ZFYVE16: variants seen among roughly 807,000 people sequenced by gnomAD.
The protein encoded by ZFYVE16 is zinc finger FYVE domain-containing protein 16.
In ZFYVE16, 89 loss-of-function variants were observed where a neutral mutation model predicts 138.1. The ratio of observed to expected loss-of-function variants is 0.64; its 90% CI spans 0.54 to 0.77. ZFYVE16 has a LOEUF of 0.77. ZFYVE16 is among the 30% of genes least tolerant of loss of function. The pLI is 0.00. For synonymous variants in ZFYVE16, 596 were observed against 618.3 expected (o/e 0.96, Z 0.53); for missense variants, 1,793 against 1,786.7 (o/e 1.00, Z -0.06).
chr5:80,472,293 G>C (rs1561336873), intron 15 of ZFYVE16, among the ~76,000 whole-genome samples: 1 of 151,228 alleles, frequency 6.6e-6, no homozygotes, highest in Non-Finnish European at 1.5e-5. Flanking sequence ...ATTATCCCCA[G>C]GCAGAGAGCT....
At chr5:80,426,829 A>G (rs1748151050) in intron 1 of ZFYVE16, among the ~76,000 whole-genome samples, 1 of 152,150 alleles carries the variant, frequency 6.6e-6, no homozygotes, top group Non-Finnish European at 1.5e-5. Flanking sequence ...GACAAATGGT[A>G]TATCTGATTC....
rs1176003578 is a variant in ZFYVE16 at position 80,437,194 on chromosome 5, C to G, written c.509C>G (p.Ser170Ter). Residue 170 changes from serine to a stop codon, truncating the protein, a stop_gained, in exon 4 of 19, where the codon TCA becomes TGA. Transcript: ENST00000505560. LOFTEE classifies it high-confidence loss of function. ...ATTGGATTGGATTTATCTTCAGTGT[C>G]AGATACTCCCTGTGTTTCTTCAACA... ...SLIGLDLSSVSDTPCVSSTDH... is the reference protein window; with the variant it reads ...SLIGLDLSSV 6.2e-7 allele frequency: 1 copy of G among 1,613,848 alleles called. No homozygotes were observed. Among genetic ancestry groups the G allele is most frequent in the African/African-American group, 1.3e-5 (1 of 74,910 alleles).
rs1755057113 is a variant in ZFYVE16, at chr5:80,477,830, C to T, written c.*453C>T. ...AATTGTATTTCAGTGGCACAAAAAC[C>T]AGTTTTGAGGTCTTAGACTTATAAT... On this transcript the variant is annotated 3_prime_UTR_variant, in exon 19 of 19. Transcript: ENST00000505560. 1 of 152,244 alleles carries T rather than the reference C, an allele frequency of 6.6e-6. No individual in the cohort carries two copies. The highest frequency in any genetic ancestry group is 2.4e-5 in the African/African-American group (1 of 41,416). The allele number at this position is 152,244 out of a possible 1,614,324, so 9.4% of individuals were successfully genotyped here. A position where few individuals can be genotyped will look rare whatever the true frequency, so the allele number is the denominator to read the frequency against.
In ZFYVE16 at chr5:80,448,709, A is replaced by AT. The variant is rs200461336; in HGVS notation, c.3103+314dup. On this transcript the variant is annotated intron_variant, in intron 8 of 18. Coordinates refer to ENST00000505560, the MANE Select transcript of ZFYVE16 (RefSeq NM_001284236.3). ...AGAATTTTGACACTGTATTATTACT[A>AT]TTTTTTTTTAGGAGCATGATACCTA... 3.0e-3 allele frequency among the ~76,000 whole-genome samples: 447 copies of AT among 151,000 alleles called. 4 individuals are homozygous for AT. Among genetic ancestry groups the AT allele is most frequent in the Non-Finnish European group, 1.6e-3 (107 of 67,620 alleles).
chr5:80,431,596 G>A (rs1463525653), intron 2 of ZFYVE16, among the ~76,000 whole-genome samples: 1 of 152,134 alleles, frequency 6.6e-6, no homozygotes, highest in Non-Finnish European at 1.5e-5. Context: ...AGGGCACTCA[G>A]GCAGGAGAAG....
At chr5:80,476,708 AG>A (rs963189112) in intron 18 of ZFYVE16, among the ~76,000 whole-genome samples, 2 of 152,170 alleles carry the variant, frequency 1.3e-5, no homozygotes, top group African/African-American at 4.8e-5. Context: ...TTACTGGAAA[AG>A]GGGTTTTGTT....
rs146986644 is a variant in ZFYVE16 at position 80,477,248 on chromosome 5, A to C, written c.4491A>C (p.Gln1497His). The C allele has an allele frequency of 2.5e-6, 4 of 1,600,450 alleles. No individual in the cohort carries two copies. The highest frequency in any genetic ancestry group is 2.3e-5 in the South Asian group (2 of 88,134). ...AATTTCAGGCAGGATCTGAAGGCCAACTTCTGCCTCAGCATTATCTAAATG... is the reference window on the plus strand; with the variant it reads ...AATTTCAGGCAGGATCTGAAGGCCACCTTCTGCCTCAGCATTATCTAAATG... ...MVEFQAGSEG[Q>H]LLPQHYLNDL... Residue 1497 changes from glutamine (Q) to histidine (H), a missense_variant, in exon 19 of 19, where the codon CAA becomes CAC. This residue lies in a region of ZFYVE16 where 498 missense variants were observed against 582.4 expected (regional missense o/e 0.86). Transcript: ENST00000505560.
intron 2 of ZFYVE16, among the ~76,000 whole-genome samples, chr5:80,433,808 T>C (rs1038486677): frequency 7.2e-5 from 11 of 152,210 alleles, no homozygotes; most frequent in Admixed American, 6.5e-5. Flanking sequence ...TGATATGTTG[T>C]ATTTATAAGT....
At position 80,478,592 on chromosome 5, in the gene ZFYVE16, AT is replaced by A. The variant is rs1755114230; in HGVS notation, c.*1216del. The stretch of plus-strand genomic sequence containing the variant: ...GATGCTTTAAACATTCTCATGTGTA[AT>A]ATATGTTTTTGTATCAAAAACACTC... On this transcript the variant is annotated 3_prime_UTR_variant, in exon 19 of 19. Transcript: ENST00000505560. 1 of 152,114 alleles carries A rather than the reference AT, an allele frequency of 6.6e-6. No individual in the cohort carries two copies. Among genetic ancestry groups the A allele is most frequent in the South Asian group, 2.1e-4 (1 of 4,836 alleles). The allele number at this position is 152,114 out of a possible 1,614,324, so 9.4% of individuals were successfully genotyped here. A position where few individuals can be genotyped will look rare whatever the true frequency, so the allele number is the denominator to read the frequency against.
chr5:80,418,548 A>G (rs916065413), intron 1 of ZFYVE16, among the ~76,000 whole-genome samples: 1 of 151,876 alleles, frequency 6.6e-6, no homozygotes, highest in African/African-American at 2.4e-5. Context: ...TCCTGGCCTC[A>G]AGTGAACTTC....
rs192230845 is a variant in ZFYVE16 at position 80,415,539 on chromosome 5, T to A, written c.-94+7386T>A. On this transcript the variant is annotated intron_variant, in intron 1 of 18. Transcript: ENST00000505560. Reference sequence around the variant, plus strand: ...GTTTTGAGGGTTACTGCTCAGGTGTTTTGTAGAATGTCAGTTGAGATTTGT... The same window carrying A: ...GTTTTGAGGGTTACTGCTCAGGTGTATTGTAGAATGTCAGTTGAGATTTGT... Among the ~76,000 whole-genome samples, 16 of 152,324 alleles carry A rather than the reference T, an allele frequency of 1.1e-4. No homozygotes were observed. In the East Asian group the frequency reaches 3.1e-3, roughly 29 times the overall value.
chr5:80,409,989 A>T (rs1745185643), intron 1 of ZFYVE16: 1 of 152,128 alleles, frequency 6.6e-6, no homozygotes, highest in Non-Finnish European at 1.5e-5. Context: ...TAAGTTTGTT[A>T]AACACATTAC....
At chr5:80,445,687 A>G (rs1421396796) in intron 7 of ZFYVE16, among the ~76,000 whole-genome samples, 1 of 151,856 alleles carries the variant, frequency 6.6e-6, no homozygotes, top group African/African-American at 2.4e-5. Flanking sequence ...CAGCCTCCCA[A>G]GTAGCTGGGA....
chr5:80,415,256 T>C (rs1345907653), intron 1 of ZFYVE16, among the ~76,000 whole-genome samples: 2 of 152,232 alleles, frequency 1.3e-5, no homozygotes, highest in Non-Finnish European at 2.9e-5. Context: ...AGTATAGAGT[T>C]CCTATATACT....
Position 80,437,906 on chromosome 5 carries a change from A to G in ZFYVE16, c.1221A>G (p.Ile407Met), listed in dbSNP as rs1275311097. Residue 407 changes from isoleucine to methionine, a missense_variant, in exon 4 of 19, where the codon ATA becomes ATG. Transcript: ENST00000505560. ...FLPQHEHKDN[I>M]QDAVTIHEEI... is the part of the protein sequence containing the mutation. ...CTCAGCATGAACATAAAGATAATAT[A>G]CAAGATGCAGTGACTATACATGAAG... The G allele has an allele frequency of 3.1e-6, 5 of 1,614,100 alleles. No homozygotes were observed. The South Asian group carries it at 3.3e-5, about 11-fold the overall frequency.
chr5:80,456,298 T>C (rs534971666), intron 12 of ZFYVE16, 163 bp from the exon 13 acceptor site: 299 of 527,904 alleles, frequency 5.7e-4, no homozygotes, highest in Non-Finnish European at 2.5e-4. Context: ...CTTTTCTATT[T>C]TGGAAGTTCT....
intron 1 of ZFYVE16, chr5:80,411,907 C>G (rs1745515676): frequency 6.6e-6 from 1 of 152,224 alleles, no homozygotes. Flanking sequence ...ATCCAGCTTT[C>G]TCCCTTGCTT....
rs189838418 is a variant in ZFYVE16, at chr5:80,414,902, A to G, written c.-94+6749A>G. Among the ~76,000 whole-genome samples the G allele has an allele frequency of 3.8e-3, 575 of 152,304 alleles. 4 individuals are homozygous for G. Among genetic ancestry groups the G allele is most frequent in the Non-Finnish European group, 6.8e-3 (460 of 68,026 alleles). On this transcript the variant is annotated intron_variant, in intron 1 of 18. Coordinates refer to ENST00000505560, the MANE Select transcript of ZFYVE16 (RefSeq NM_001284236.3). Reference sequence around the variant, plus strand: ...ATTAAATGGGGTGATCCTCCCTTCAACCATTCAGGTGTTCTGAAATTTCAC... The same window carrying G: ...ATTAAATGGGGTGATCCTCCCTTCAGCCATTCAGGTGTTCTGAAATTTCAC...
chr5:80,447,916 G>A (rs1011919010), intron 7 of ZFYVE16, 110 bp from the exon 8 acceptor site: 1 of 1,010,032 alleles, frequency 9.9e-7, no homozygotes, highest in Non-Finnish European at 1.3e-6. Context: ...ACGCATTTTG[G>A]TTTTTATTTA....
Sources: gnomAD v4.1 joint callset for allele counts (sites outside exome capture counted in the v4.1 genomes callset) on GRCh38, gnomAD v4.1.1 for gene constraint, gnomAD v4.1.1 regional missense constraint, MANE v1.5 for transcripts, NCBI Gene and HGNC (gene_info 2026-07-23, HGNC 2026-07-21) for gene names.